STXBP4: variants seen among roughly 807,000 people sequenced by gnomAD.
STXBP4 encodes the protein syntaxin binding protein 4.
A neutral mutation model predicts 76.1 loss-of-function variants in STXBP4; 55 were observed. The observed-to-expected ratio is 0.72, with a 90% CI of 0.58 to 0.91. The LOEUF (loss-of-function observed/expected upper bound fraction) is 0.91. Ranked by LOEUF, STXBP4 falls within the 40% of genes least tolerant of loss-of-function variation. The pLI is 0.00. For synonymous variants in STXBP4, 201 were observed against 220.2 expected (o/e 0.91, Z 0.77); for missense variants, 618 against 636.9 (o/e 0.97, Z 0.32).
chr17:55,008,173 A>G (rs1225363120), intron 8 of STXBP4, among the ~76,000 whole-genome samples: 1 of 152,174 alleles, frequency 6.6e-6, no homozygotes, highest in African/African-American at 2.4e-5. Context: ...GAAAGCATTT[A>G]TCAGGTTACC....
At chr17:55,158,720 T>A (rs935019914) in intron 17 of STXBP4, among the ~76,000 whole-genome samples, 1 of 152,210 alleles carries the variant, frequency 6.6e-6, no homozygotes, top group Non-Finnish European at 1.5e-5. Flanking sequence ...AGGATGCTGG[T>A]CATTTGTTCT....
intron 16 of STXBP4, among the ~76,000 whole-genome samples, chr17:55,110,079 T>C (rs1396552983): frequency 1.3e-5 from 2 of 152,252 alleles, no homozygotes; most frequent in African/African-American, 4.8e-5. Flanking sequence ...CTCCATTTTC[T>C]TGCCTTTTCT....
chr17:55,136,669 A>T, intron 16 of STXBP4, among the ~76,000 whole-genome samples: 1 of 152,140 alleles, frequency 6.6e-6, no homozygotes, highest in Non-Finnish European at 1.5e-5. Flanking sequence ...AAATGTTGCA[A>T]ATCAAGGCTT....
chr17:55,083,035 C>T (rs2079277222), intron 16 of STXBP4, among the ~76,000 whole-genome samples: 2 of 151,880 alleles, frequency 1.3e-5, no homozygotes, highest in Non-Finnish European at 2.9e-5. Flanking sequence ...GATCTCAGCT[C>T]ATTGCAACCT....
At chr17:55,207,397 C>A in the STXBP4 span, among the ~76,000 whole-genome samples, 3 of 152,134 alleles carry the variant, frequency 2.0e-5, no homozygotes, top group African/African-American at 7.2e-5. Context: ...CTTCCAATAC[C>A]CCAGCTCAGC....
chr17:55,188,044 GAGAGGT>G, the STXBP4 span, among the ~76,000 whole-genome samples: 1 of 152,156 alleles, frequency 6.6e-6, no homozygotes, highest in Admixed American at 6.5e-5. Context: ...CTGCACCTTA[GAGAGGT>G]TATGCAACTA....
intron 17 of STXBP4, 82 bp from the exon 18 acceptor site, chr17:55,159,715 C>G (rs1435362082): frequency 1.2e-6 from 1 of 852,802 alleles, no homozygotes; most frequent in Non-Finnish European, 1.9e-6. Context: ...AGGGTAGAAG[C>G]AATGTCACCA....
At position 55,043,299 on chromosome 17, in the gene STXBP4, G is replaced by A; in HGVS notation, c.919G>A (p.Ala307Thr). Residue 307 changes from alanine to threonine, a missense_variant, in exon 11 of 18, where the codon GCC (alanine) becomes ACC (threonine). Transcript: ENST00000376352. Reference sequence around the variant, plus strand: ...AAGGCTCAAGTGTGAAAGAGATGATGCCTTGAAAGAAGTAAATACACTTAA... The same window carrying A: ...AAGGCTCAAGTGTGAAAGAGATGATACCTTGAAAGAAGTAAATACACTTAA... The part of the protein sequence containing the change: ...MERLKCERDD[A>T]LKEVNTLKEK... The A allele has an allele frequency of 6.5e-7, 1 of 1,531,398 alleles. No individual in the cohort carries two copies. Among genetic ancestry groups the A allele is most frequent in the East Asian group, 2.4e-5 (1 of 41,942 alleles). 94.9% of individuals were successfully genotyped at this position (1,531,398 alleles called of 1,614,324 possible).
At chr17:55,185,326 T>TCTCCTTCTCCTTCTCCTCCTCCTCCTC in the STXBP4 span, among the ~76,000 whole-genome samples, 56 of 74,652 alleles carry the variant, frequency 7.5e-4, no homozygotes, top group Non-Finnish European at 1.3e-3. Context: ...TCCTTCTCCT[T>TCTCCTTCTCCTTCTCCTCCTCCTCCTC]CTCCTCCTCC....
At chr17:55,111,365 T>A (rs2145056379) in intron 16 of STXBP4, among the ~76,000 whole-genome samples, 1 of 152,322 alleles carries the variant, frequency 6.6e-6, no homozygotes, top group Non-Finnish European at 1.5e-5. Context: ...TTTTTGTAGT[T>A]CTTTAAACAT....
chr17:55,139,400 A>G lies in STXBP4; in HGVS notation c.1490-1910A>G, dbSNP rs73992644. Among the ~76,000 whole-genome samples the G allele has an allele frequency of 7.4e-3, 1,134 of 152,318 alleles. 15 individuals are homozygous for G. The highest frequency in any genetic ancestry group is 0.026 in the African/African-American group (1,061 of 41,580). ...TTTAGCGGGCAAAAATTGTAGTCAC[A>G]TTAGAATAACTTCCTACTTAACTTT... On this transcript the variant is annotated intron_variant, in intron 16 of 17. Transcript: ENST00000376352.
intron 4 of STXBP4, among the ~76,000 whole-genome samples, chr17:54,993,217 A>G (rs192958917): frequency 1.3e-5 from 2 of 152,294 alleles, no homozygotes; most frequent in African/African-American, 2.4e-5. Context: ...AAATTTTCTC[A>G]TTGACTATAT....
intron 16 of STXBP4, among the ~76,000 whole-genome samples, chr17:55,094,362 C>T (rs2079456655): frequency 1.3e-5 from 2 of 151,916 alleles, no homozygotes; most frequent in South Asian, 4.2e-4. Flanking sequence ...TTAAAAGATC[C>T]TTTGGGTGTT....
chr17:55,114,507 G>C (rs1199298368), intron 16 of STXBP4, among the ~76,000 whole-genome samples: 1 of 152,002 alleles, frequency 6.6e-6, no homozygotes, highest in Non-Finnish European at 1.5e-5. Flanking sequence ...GTCCCTTAGG[G>C]CACAACATTA....
intron 16 of STXBP4, among the ~76,000 whole-genome samples, chr17:55,081,568 C>T (rs1041375659): frequency 6.6e-5 from 10 of 152,104 alleles, no homozygotes; most frequent in African/African-American, 1.9e-4. Flanking sequence ...CCCCAAAACA[C>T]AAATATAACA....
At chr17:55,153,177 G>A (rs943125580) in intron 17 of STXBP4, among the ~76,000 whole-genome samples, 1 of 152,052 alleles carries the variant, frequency 6.6e-6, no homozygotes. Context: ...TTATACTAAG[G>A]TCCTAAAAGA....
chr17:55,153,697 T>G (rs2145181578), intron 17 of STXBP4, among the ~76,000 whole-genome samples: 1 of 152,302 alleles, frequency 6.6e-6, no homozygotes, highest in South Asian at 2.1e-4. Flanking sequence ...ACAATTCTAT[T>G]TTAATAAGAA....
At chr17:55,099,178 G>A (rs7224560) in intron 16 of STXBP4, among the ~76,000 whole-genome samples, 1 of 152,092 alleles carries the variant, frequency 6.6e-6, no homozygotes, top group Non-Finnish European at 1.5e-5. Context: ...TTGTTTACTC[G>A]ATTCAGCTTT....
intron 12 of STXBP4, among the ~76,000 whole-genome samples, chr17:55,057,552 A>G (rs1255342335): frequency 2.0e-5 from 3 of 152,128 alleles, no homozygotes; most frequent in Non-Finnish European, 2.9e-5. Context: ...GTTGTTTCTA[A>G]TTTTACTTTG....
Sources: gnomAD v4.1 joint callset for allele counts (sites outside exome capture counted in the v4.1 genomes callset) on GRCh38, gnomAD v4.1.1 for gene constraint, MANE v1.5 for transcripts, NCBI Gene and HGNC (gene_info 2026-07-23, HGNC 2026-07-21) for gene names.